The following SPON1 variants were observed in gnomAD, a reference collection of about 807,000 sequenced individuals.
SPON1 encodes spondin-1.
In SPON1, 52 loss-of-function variants were observed where a neutral mutation model predicts 111.7. That is an observed-to-expected ratio of 0.47 (90% CI 0.37 to 0.59). SPON1 has a LOEUF of 0.59. Ranked by LOEUF, SPON1 falls within the 20% of genes least tolerant of loss-of-function variation. SPON1 has a pLI of 0.00. For synonymous variants in SPON1, 410 were observed against 395.8 expected, an observed-to-expected ratio of 1.04 and a Z score of -0.43; for missense variants, 957 against 1,068.5, an observed-to-expected ratio of 0.90 and a Z score of 1.46.
intron 6 of SPON1, among the ~76,000 whole-genome samples, chr11:14,178,568 A>G (rs552076476): frequency 6.6e-6 from 1 of 152,344 alleles, no homozygotes; most frequent in East Asian, 1.9e-4. Context: ...CTAAATTGTT[A>G]CATACTCTGC....
In SPON1 at chr11:14,232,290, C is replaced by T. The variant is rs564857949; in HGVS notation, c.826-11042C>T. On this transcript the variant is annotated intron_variant, in intron 6 of 15. Transcript: ENST00000576479. ...TGTGTAGCTGTTATGTCTGCCTCCT[C>T]CTCCGGAATGTAAGCTCCTTGAGGA... 5.3e-5 allele frequency among the ~76,000 whole-genome samples: 8 copies of T among 152,168 alleles called. No individual in the cohort carries two copies. In the South Asian group the frequency reaches 1.5e-3, roughly 28 times the overall value.
At chr11:14,173,614 CTTTGTGGTTTTATCTACCT>C (rs1554932767) in intron 6 of SPON1, among the ~76,000 whole-genome samples, 4 of 152,146 alleles carry the variant, frequency 2.6e-5, no homozygotes, top group African/African-American at 9.7e-5. Flanking sequence ...TTTCCCCCAT[CTTTGTGGTTTTATCTACCT>C]TTTGTCTTTG....
At chr11:14,073,289 C>T (rs1848891701) in intron 3 of SPON1, among the ~76,000 whole-genome samples, 1 of 152,126 alleles carries the variant, frequency 6.6e-6, no homozygotes, top group Admixed American at 6.5e-5. Context: ...TCATTCCTAA[C>T]CCTAAATTTA....
intron 2 of SPON1, among the ~76,000 whole-genome samples, chr11:14,023,151 G>A (rs1462352522): frequency 1.3e-5 from 2 of 152,176 alleles, no homozygotes; most frequent in Non-Finnish European, 1.5e-5. Flanking sequence ...GACCAGATTA[G>A]GTGGGGAATT....
chr11:13,982,900 C>A lies in SPON1; in HGVS notation c.292C>A (p.Leu98Ile). The change falls in exon 2 of 16, where the codon CTC becomes ATC. Residue 98 changes from leucine to isoleucine, a missense_variant. This residue lies in a region of SPON1 where 262 missense variants were observed against 253.9 expected (regional missense o/e 1.03). Coordinates refer to ENST00000576479, the MANE Select transcript of SPON1 (RefSeq NM_006108.4). ...CTTCAGAGGATTCACATTAATTGCC[C>A]TCAGAGAGAACAGAGAGGGTGATAA... ...SYFRGFTLIA[L>I]RENREGDKEE... is the part of the protein sequence containing the mutation. The A allele has an allele frequency of 1.3e-6, 2 of 1,562,178 alleles. No individual in the cohort carries two copies. Among genetic ancestry groups the A allele is most frequent in the African/African-American group, 1.4e-5 (1 of 73,648 alleles).
At chr11:14,183,088 G>A (rs1316222533) in intron 6 of SPON1, among the ~76,000 whole-genome samples, 5 of 152,216 alleles carry the variant, frequency 3.3e-5, no homozygotes, top group African/African-American at 1.2e-4. Flanking sequence ...TACTAATAAT[G>A]TTATTAGGCA....
intron 1 of SPON1, 44 bp downstream of exon 1, chr11:13,963,186 C>T (rs571026161): frequency 1.4e-6 from 2 of 1,387,114 alleles, no homozygotes; most frequent in Non-Finnish European, 9.5e-7. Context: ...GGGACCCGGT[C>T]CCCGGAGGGC....
At chr11:14,184,898 C>T (rs1848270354) in intron 6 of SPON1, among the ~76,000 whole-genome samples, 1 of 152,216 alleles carries the variant, frequency 6.6e-6, no homozygotes, top group Admixed American at 6.5e-5. Context: ...TGAGAGATCA[C>T]TCATCCTTGA....
intron 5 of SPON1, among the ~76,000 whole-genome samples, chr11:14,126,680 A>G (rs1178166251): frequency 6.6e-6 from 1 of 152,210 alleles, no homozygotes; most frequent in East Asian, 1.9e-4. Context: ...CAAAAAGGAT[A>G]GTGATAGTCT....
intron 5 of SPON1, among the ~76,000 whole-genome samples, chr11:14,120,659 G>T (rs1849298064): frequency 6.6e-6 from 1 of 152,064 alleles, no homozygotes; most frequent in Admixed American, 6.6e-5. Flanking sequence ...CTAAGACCTT[G>T]TCCTACCCTA....
chr11:14,075,566 G>A, intron 4 of SPON1, 148 bp downstream of exon 4: 1 of 629,848 alleles, frequency 1.6e-6, no homozygotes. Context: ...TTTTTAATCT[G>A]GCTGTGTGCT....
chr11:13,973,388 C>A (rs1019456722), intron 1 of SPON1, among the ~76,000 whole-genome samples: 1 of 152,228 alleles, frequency 6.6e-6, no homozygotes, highest in African/African-American at 2.4e-5. Flanking sequence ...CTGCCCTCAT[C>A]CACATTCCCA....
At chr11:14,219,639 G>C (rs1848659742) in intron 6 of SPON1, among the ~76,000 whole-genome samples, 1 of 152,110 alleles carries the variant, frequency 6.6e-6, no homozygotes, top group African/African-American at 2.4e-5. Flanking sequence ...AGGAGAGGGT[G>C]GTCTGCATGA....
chr11:13,972,062 C>T lies in SPON1; in HGVS notation c.238+8920C>T, dbSNP rs115903055. Among the ~76,000 whole-genome samples the T allele has an allele frequency of 3.2e-3, 481 of 152,364 alleles. 3 individuals are homozygous for T. Among genetic ancestry groups the T allele is most frequent in the African/African-American group, 0.011 (462 of 41,584 alleles). On this transcript the variant is annotated intron_variant, in intron 1 of 15. Transcript: ENST00000576479. Reference sequence around the variant, plus strand: ...GAGATGTTTGTGAATAAATAGCTGTCATGGCTTCTCTTCTGACTAAAATGC... The same window carrying T: ...GAGATGTTTGTGAATAAATAGCTGTTATGGCTTCTCTTCTGACTAAAATGC...
At chr11:14,037,154 A>G (rs1297935909) in intron 2 of SPON1, among the ~76,000 whole-genome samples, 1 of 152,120 alleles carries the variant, frequency 6.6e-6, no homozygotes, top group African/African-American at 2.4e-5. Flanking sequence ...GTACATGTGC[A>G]CAATGTGCAG....
intron 7 of SPON1, among the ~76,000 whole-genome samples, chr11:14,253,394 C>T (rs1849072716): frequency 6.6e-6 from 1 of 152,162 alleles, no homozygotes; most frequent in East Asian, 1.9e-4. Flanking sequence ...TTGGAGTAGA[C>T]GTATGTGATC....
In SPON1 at chr11:14,006,887, TG is replaced by T. The variant is rs11340412; in HGVS notation, c.345+23936del. On this transcript the variant is annotated intron_variant, in intron 2 of 15. Transcript: ENST00000576479. ...CTGCTGTAACAAATTGCCACACATT[TG>T]GTGGCTTAAAACAACAGAAATTTAA... Among the ~76,000 whole-genome samples, 802 of 152,314 alleles carry T rather than the reference TG, an allele frequency of 5.3e-3. 9 individuals carry two copies. The highest frequency in any genetic ancestry group is 0.018 in the African/African-American group (740 of 41,566).
intron 2 of SPON1, among the ~76,000 whole-genome samples, chr11:14,031,652 A>G (rs1258765495): frequency 2.2e-5 from 1 of 46,494 alleles, no homozygotes; most frequent in Non-Finnish European, 3.9e-5. Context: ...TTATTCAAAC[A>G]GTGGAGGATT....
intron 7 of SPON1, among the ~76,000 whole-genome samples, chr11:14,248,487 ATTGATGG>A (rs1269120217): frequency 6.6e-6 from 1 of 152,114 alleles, no homozygotes; most frequent in Non-Finnish European, 1.5e-5. Context: ...AACAAAATTA[ATTGATGG>A]CAAACACTCA....
Sources: gnomAD v4.1 joint callset for allele counts (sites outside exome capture counted in the v4.1 genomes callset) on GRCh38, gnomAD v4.1.1 for gene constraint, gnomAD v4.1.1 regional missense constraint, MANE v1.5 for transcripts, NCBI Gene and HGNC (gene_info 2026-07-23, HGNC 2026-07-21) for gene names.